PLCB1: variants seen among roughly 807,000 people sequenced by gnomAD.
The protein encoded by PLCB1 is phospholipase C beta 1.
In PLCB1, 46 loss-of-function variants were observed where a neutral mutation model predicts 161.8. The ratio of observed to expected loss-of-function variants is 0.28; its 90% CI spans 0.22 to 0.36. The LOEUF is 0.36. PLCB1 is among the 10% of genes least tolerant of loss of function. The pLI is 1.00. For missense variants in PLCB1, 1,016 were observed against 1,472.5 expected (o/e 0.69, Z 5.07); for synonymous variants, 517 against 503.7 (o/e 1.03, Z -0.35).
At chr20:8,810,318 T>G (rs1427665707) in intron 31 of PLCB1, among the ~76,000 whole-genome samples, 3 of 152,180 alleles carry the variant, frequency 2.0e-5, no homozygotes, top group Non-Finnish European at 4.4e-5. Context: ...CACAGTTTCC[T>G]GCCCTGGCCT....
At chr20:8,228,235 T>G (rs1214899985) in intron 2 of PLCB1, among the ~76,000 whole-genome samples, 2 of 151,980 alleles carry the variant, frequency 1.3e-5, no homozygotes, top group African/African-American at 4.8e-5. Flanking sequence ...CCATACAATT[T>G]TTACCCCAGC....
chr20:8,614,584 CTGTGTG>C (rs71331317), intron 3 of PLCB1, among the ~76,000 whole-genome samples: 23,597 of 147,074 alleles, frequency 0.16, 1,858 homozygotes, highest in African/African-American at 0.2. Flanking sequence ...ATGTAAAATT[CTGTGTG>C]TGTGTGTGTG....
In PLCB1 at chr20:8,350,942, G is replaced by A. The variant is rs367919867; in HGVS notation, c.178-20440G>A. On this transcript the variant is annotated intron_variant, in intron 2 of 31. Transcript: ENST00000338037. ...ATTAATTTTTTTCACATTGAACCAC[G>A]GATTCAATGTAATCCCAGTCACAAT... 4.6e-5 allele frequency among the ~76,000 whole-genome samples: 7 copies of A among 152,142 alleles called. No homozygotes were observed. The East Asian group carries it at 1.4e-3, about 29-fold the overall frequency.
Position 8,765,471 on chromosome 20 carries a change from A to G in PLCB1, c.2930+113A>G, listed in dbSNP as rs946218938. Reference sequence around the variant, plus strand: ...CTGTACCATGGCAAGAAAACCACCTAACCTCCGTTCTCCATAGCTTTTGTG... The same window carrying G: ...CTGTACCATGGCAAGAAAACCACCTGACCTCCGTTCTCCATAGCTTTTGTG... On this transcript the variant is annotated intron_variant, in intron 26 of 31. Transcript: ENST00000338037. The G allele has an allele frequency of 4.0e-6, 3 of 743,648 alleles. No individual in the cohort carries two copies. In the East Asian group the frequency reaches 8.1e-5, roughly 20 times the overall value. The allele number at this position is 743,648 out of a possible 1,614,324, so 46.1% of individuals were successfully genotyped here.
intron 2 of PLCB1, among the ~76,000 whole-genome samples, chr20:8,194,910 T>C (rs1339813183): frequency 6.6e-6 from 1 of 152,032 alleles, no homozygotes; most frequent in Non-Finnish European, 1.5e-5. Context: ...AAACCAACTT[T>C]GCTCACTGAA....
At chr20:8,193,090 A>G (rs1176282166) in intron 2 of PLCB1, among the ~76,000 whole-genome samples, 1 of 152,084 alleles carries the variant, frequency 6.6e-6, no homozygotes, top group Non-Finnish European at 1.5e-5. Context: ...GACAAAGAAC[A>G]TTCAGGATAA....
At chr20:8,502,481 T>C (rs1983465387) in intron 3 of PLCB1, among the ~76,000 whole-genome samples, 1 of 152,196 alleles carries the variant, frequency 6.6e-6, no homozygotes, top group Admixed American at 6.5e-5. Flanking sequence ...GGAAATAAAA[T>C]GCATAATTAT....
intron 10 of PLCB1, among the ~76,000 whole-genome samples, chr20:8,691,855 G>A (rs1168643523): frequency 6.6e-6 from 1 of 152,002 alleles, no homozygotes; most frequent in African/African-American, 2.4e-5. Context: ...TTTTGGATTT[G>A]GGGTGATTTT....
chr20:8,147,977 A>T (rs2051471770), intron 1 of PLCB1, among the ~76,000 whole-genome samples: 1 of 147,268 alleles, frequency 6.8e-6, no homozygotes, highest in Non-Finnish European at 1.5e-5. Context: ...GGTTCATGCC[A>T]TTCTCCTGCC....
At chr20:8,647,006 T>G (rs1262795382) in intron 5 of PLCB1, among the ~76,000 whole-genome samples, 1 of 152,204 alleles carries the variant, frequency 6.6e-6, no homozygotes, top group Admixed American at 6.5e-5. Flanking sequence ...CTCAGCCACA[T>G]TCCTTTATTT....
chr20:8,364,329 CT>C lies in PLCB1; in HGVS notation c.178-7050del, dbSNP rs762010900. 6.7e-4 allele frequency among the ~76,000 whole-genome samples: 102 copies of C among 152,256 alleles called. 1 individual carries two copies. The highest frequency in any genetic ancestry group is 6.8e-3 in the Middle Eastern group (2 of 294). ...CTTGCCAATAACATTGGGCCAAATA[CT>C]TTGGAAGTAGGTCCAGGGATAACAT... On this transcript the variant is annotated intron_variant, in intron 2 of 31. Transcript: ENST00000338037.
At chr20:8,328,189 T>C (rs1481292326) in intron 2 of PLCB1, among the ~76,000 whole-genome samples, 2 of 152,146 alleles carry the variant, frequency 1.3e-5, no homozygotes, top group Admixed American at 1.3e-4. Context: ...TTTTAGAGCA[T>C]ATTGGATTTT....
At chr20:8,648,653 A>T (rs1395968737) in intron 6 of PLCB1, among the ~76,000 whole-genome samples, 3 of 152,214 alleles carry the variant, frequency 2.0e-5, no homozygotes, top group African/African-American at 7.2e-5. Context: ...CGAATACACA[A>T]ATTAAGCCAA....
intron 9 of PLCB1, among the ~76,000 whole-genome samples, chr20:8,678,232 A>G (rs894551810): frequency 1.5e-4 from 23 of 152,344 alleles, no homozygotes; most frequent in Admixed American, 1.3e-4. Context: ...TCAACCCTGA[A>G]CACACTGTGT....
chr20:8,343,655 A>G (rs1448996440), intron 2 of PLCB1, among the ~76,000 whole-genome samples: 1 of 152,172 alleles, frequency 6.6e-6, no homozygotes, highest in Non-Finnish European at 1.5e-5. Context: ...GCTGTAACAC[A>G]CAGTTAGGTA....
At chr20:8,380,212 TTAA>T (rs1987216617) in intron 3 of PLCB1, among the ~76,000 whole-genome samples, 1 of 152,238 alleles carries the variant, frequency 6.6e-6, no homozygotes, top group South Asian at 2.1e-4. Context: ...CACCATTTAT[TTAA>T]TAGGAGATCC....
chr20:8,667,506 C>A (rs1002180395), intron 9 of PLCB1, among the ~76,000 whole-genome samples: 3 of 152,152 alleles, frequency 2.0e-5, no homozygotes, highest in Non-Finnish European at 4.4e-5. Context: ...TTCCTTTATT[C>A]CCAGAAGGCA....
intron 8 of PLCB1, among the ~76,000 whole-genome samples, chr20:8,657,918 G>A (rs1386344823): frequency 6.6e-6 from 1 of 152,042 alleles, no homozygotes. Context: ...TGGAAGACAG[G>A]TAAACAGTAC....
intron 31 of PLCB1, among the ~76,000 whole-genome samples, chr20:8,838,181 G>A (rs1266717073): frequency 6.6e-6 from 1 of 152,156 alleles, no homozygotes; most frequent in African/African-American, 2.4e-5. Flanking sequence ...TTTCAATGAA[G>A]GGGAGGCTGA....
Sources: gnomAD v4.1 joint callset for allele counts (sites outside exome capture counted in the v4.1 genomes callset) on GRCh38, gnomAD v4.1.1 for gene constraint, MANE v1.5 for transcripts, NCBI Gene and HGNC (gene_info 2026-07-23, HGNC 2026-07-21) for gene names.